The following DIS3L2 variants were observed in gnomAD, a reference collection of about 807,000 sequenced individuals.
DIS3L2 encodes DIS3-like exonuclease 2.
In DIS3L2, 34 loss-of-function variants were observed where a neutral mutation model predicts 97.5. That is an observed-to-expected ratio of 0.35 (90% confidence interval 0.27 to 0.46). DIS3L2 has a LOEUF of 0.46. Among genes scored for constraint, DIS3L2 ranks in the 20% least tolerant of loss-of-function variants. The pLI, the probability that DIS3L2 is intolerant of heterozygous loss-of-function variation, is 1.00. For synonymous variants in DIS3L2, 435 were observed against 445.2 expected (o/e 0.98, Z 0.29); for missense variants, 1,038 against 1,146.0 (o/e 0.91, Z 1.36).
At chr2:232,196,059 A>AT (rs145667428) in intron 9 of DIS3L2, among the ~76,000 whole-genome samples, 2,717 of 152,244 alleles carry the variant, frequency 0.018, 27 homozygotes, top group Non-Finnish European at 0.022. Flanking sequence ...GTTAGGTCAG[A>AT]TTCTTTTATT....
intron 5 of DIS3L2, among the ~76,000 whole-genome samples, chr2:232,052,047 G>A (rs1319107750): frequency 6.8e-6 from 1 of 147,186 alleles, no homozygotes; most frequent in Non-Finnish European, 1.5e-5. Context: ...TTTTTGAGAT[G>A]GAGTTTCCTT....
chr2:232,158,306 CGTGTGT>C (rs111880090), intron 8 of DIS3L2, among the ~76,000 whole-genome samples: 12 of 150,586 alleles, frequency 8.0e-5, no homozygotes, highest in Non-Finnish European at 1.0e-4. Context: ...TCCTTTATAT[CGTGTGT>C]GTGTGTGTGT....
intron 8 of DIS3L2, among the ~76,000 whole-genome samples, chr2:232,138,189 A>T (rs1181966188): frequency 6.6e-6 from 1 of 151,944 alleles, no homozygotes; most frequent in Non-Finnish European, 1.5e-5. Context: ...GTATTTTTTA[A>T]TTTTTATTTT....
chr2:232,330,016 C>CG lies in DIS3L2; in HGVS notation c.1923+25dup. ...CTCAATGTGAGTGGTGGGCAGGATT[C>CG]GGGGGAGGCCCTGCTTGGGGGAAAG... On this transcript the variant is annotated intron_variant, in intron 15 of 20. Coordinates refer to ENST00000325385, the MANE Select transcript of DIS3L2 (RefSeq NM_152383.5). 6.3e-7 allele frequency: 1 copy of CG among 1,589,892 alleles called. No individual in the cohort carries two copies. Among genetic ancestry groups the CG allele is most frequent in the Non-Finnish European group, 8.6e-7 (1 of 1,165,160 alleles).
chr2:232,126,165 A>C (rs539946560), intron 6 of DIS3L2, among the ~76,000 whole-genome samples: 3 of 152,184 alleles, frequency 2.0e-5, no homozygotes, highest in Non-Finnish European at 4.4e-5. Flanking sequence ...GGTTCTATCA[A>C]ATTCATAGCT....
chr2:231,965,283 A>G (rs1692678131), intron 1 of DIS3L2, among the ~76,000 whole-genome samples: 1 of 152,168 alleles, frequency 6.6e-6, no homozygotes, highest in Admixed American at 6.5e-5. Flanking sequence ...CTTCCTATGT[A>G]GCAGCGGTAG....
At chr2:232,172,564 C>T (rs535948647) in intron 9 of DIS3L2, 10 of 395,414 alleles carry the variant, frequency 2.5e-5, no homozygotes, top group East Asian at 8.2e-5. Context: ...GGTTGATTCC[C>T]CAGCTTGACT....
intron 5 of DIS3L2, among the ~76,000 whole-genome samples, chr2:232,086,087 G>A (rs1696575434): frequency 6.6e-6 from 1 of 152,008 alleles, no homozygotes; most frequent in African/African-American, 2.4e-5. Context: ...GTGAGTCACT[G>A]TGCCTGGCCT....
intron 1 of DIS3L2, among the ~76,000 whole-genome samples, chr2:231,975,335 T>TA (rs1191564227): frequency 6.6e-6 from 1 of 151,958 alleles, no homozygotes; most frequent in African/African-American, 2.4e-5. Flanking sequence ...TATTATATAT[T>TA]ATATCTCTTT....
intron 5 of DIS3L2, among the ~76,000 whole-genome samples, chr2:232,039,285 G>GAA (rs1695042995): frequency 6.6e-6 from 1 of 152,152 alleles, no homozygotes; most frequent in Non-Finnish European, 1.5e-5. Context: ...AATCCCTGAC[G>GAA]TCTAGAATAT....
chr2:232,168,819 C>T (rs1205265661), intron 9 of DIS3L2, among the ~76,000 whole-genome samples: 1 of 152,144 alleles, frequency 6.6e-6, no homozygotes, highest in Non-Finnish European at 1.5e-5. Flanking sequence ...AGTTGGTTAG[C>T]ATGCAGTACT....
intron 12 of DIS3L2, 141 bp from the exon 13 acceptor site, chr2:232,263,066 G>C (rs1025527280): frequency 6.9e-6 from 6 of 866,754 alleles, no homozygotes; most frequent in South Asian, 1.7e-5. Context: ...TGGGTGCCTA[G>C]CCTGAACCTG....
intron 8 of DIS3L2, among the ~76,000 whole-genome samples, chr2:232,154,852 G>A (rs1274498989): frequency 7.9e-5 from 6 of 75,970 alleles, no homozygotes; most frequent in Non-Finnish European, 1.3e-4. Context: ...AGCAATCAGC[G>A]AGATTCCGTG....
intron 8 of DIS3L2, among the ~76,000 whole-genome samples, chr2:232,143,289 T>A (rs762360119): frequency 9.2e-5 from 14 of 152,098 alleles, no homozygotes; most frequent in Non-Finnish European, 1.9e-4. Flanking sequence ...CCCCCACCTA[T>A]CATATGTAGG....
intron 5 of DIS3L2, among the ~76,000 whole-genome samples, chr2:232,053,777 C>T (rs1030954635): frequency 2.0e-5 from 3 of 152,218 alleles, no homozygotes; most frequent in Admixed American, 1.3e-4. Flanking sequence ...TCTTGAAGTC[C>T]TCCACCCTAC....
At chr2:232,296,419 G>A (rs1436585814) in intron 13 of DIS3L2, among the ~76,000 whole-genome samples, 1 of 152,178 alleles carries the variant, frequency 6.6e-6, no homozygotes, top group Non-Finnish European at 1.5e-5. Context: ...CAGGATAAAG[G>A]AAAGCCTTTA....
At chr2:232,070,402 A>G (rs1695979729) in intron 5 of DIS3L2, among the ~76,000 whole-genome samples, 1 of 152,156 alleles carries the variant, frequency 6.6e-6, no homozygotes, top group Admixed American at 6.5e-5. Flanking sequence ...TATTCTGTCA[A>G]ATTGCCTAAT....
intron 16 of DIS3L2, chr2:232,332,040 A>G (rs1003084213): frequency 6.6e-6 from 1 of 152,300 alleles, no homozygotes; most frequent in Non-Finnish European, 1.5e-5. Context: ...GAGCATCTGC[A>G]TCAGGACACC....
intron 3 of DIS3L2, among the ~76,000 whole-genome samples, chr2:232,019,897 A>T (rs1694464611): frequency 1.3e-5 from 2 of 152,062 alleles, no homozygotes; most frequent in African/African-American, 4.8e-5. Context: ...GAAGGGTGAG[A>T]GAGAATAATT....
Sources: gnomAD v4.1 joint callset for allele counts (sites outside exome capture counted in the v4.1 genomes callset) on GRCh38, gnomAD v4.1.1 for gene constraint, MANE v1.5 for transcripts, NCBI Gene and HGNC (gene_info 2026-07-23, HGNC 2026-07-21) for gene names.